The following PHF24 variants were observed in gnomAD, a reference collection of about 807,000 sequenced individuals.
PHF24 encodes the protein PHD finger protein 24.
PHF24 carries 25 observed loss-of-function variants against 42.6 expected under a neutral mutation model. The observed-to-expected ratio is 0.59, with a 90% CI of 0.43 to 0.82. The LOEUF (loss-of-function observed/expected upper bound fraction) is 0.82, where lower values mean the gene tolerates loss of function less well. Among genes scored for constraint, PHF24 ranks in the 40% least tolerant of loss-of-function variants. PHF24 has a pLI of 0.00. For missense variants in PHF24, 470 were observed against 538.1 expected (o/e 0.87, Z 1.25); for synonymous variants, 185 against 204.8 (o/e 0.90, Z 0.83).
At chr9:34,687,630 G>T in the PHF24 span, among the ~76,000 whole-genome samples, 4 of 152,182 alleles carry the variant, frequency 2.6e-5, no homozygotes, top group Non-Finnish European at 4.4e-5. Flanking sequence ...CTTCTTCAAG[G>T]TTCCCACTCT....
intron 6 of PHF24, 138 bp from the exon 7 acceptor site, chr9:34,977,408 C>A: frequency 8.4e-7 from 1 of 1,188,094 alleles, no homozygotes; most frequent in Non-Finnish European, 1.2e-6. Context: ...CATAGGACAG[C>A]CTCTGCCTTC....
Position 34,977,069 on chromosome 9 carries a change from C to A in PHF24, c.850-14C>A. ...GATATCTTCACCTCTAAGATCTTGT[C>A]TCTTCTTCCCCAGAACTCTCTGTTG... On this transcript the variant is annotated splice_polypyrimidine_tract_variant and intron_variant, in intron 5 of 7. Coordinates refer to ENST00000242315, the Ensembl canonical transcript of PHF24. 6.4e-7 allele frequency: 1 copy of A among 1,574,224 alleles called. No homozygotes were observed. Among genetic ancestry groups the A allele is most frequent in the Non-Finnish European group, 8.6e-7 (1 of 1,159,254 alleles).
chr9:34,681,385 A>G, the PHF24 span: 1 of 152,236 alleles, frequency 6.6e-6, no homozygotes, highest in East Asian at 1.9e-4. Context: ...GGGGGAAAAC[A>G]TGTCACCCCA....
chr9:34,805,659 C>G, the PHF24 span, among the ~76,000 whole-genome samples: 1 of 152,122 alleles, frequency 6.6e-6, no homozygotes, highest in African/African-American at 2.4e-5. Flanking sequence ...TTTTGAGTTG[C>G]CTTTTCACTC....
At chr9:34,835,381 C>T in the PHF24 span, 38 of 1,550,460 alleles carry the variant, frequency 2.5e-5, no homozygotes, top group Non-Finnish European at 3.3e-5. Flanking sequence ...GGAGCCCCCA[C>T]CTCTGGAAAT....
the PHF24 span, among the ~76,000 whole-genome samples, chr9:34,904,327 C>T: frequency 6.6e-6 from 1 of 152,110 alleles, no homozygotes; most frequent in African/African-American, 2.4e-5. Context: ...TACTTTCAAC[C>T]TTTCCCCATT....
At chr9:34,761,833 C>T in the PHF24 span, among the ~76,000 whole-genome samples, 1 of 152,128 alleles carries the variant, frequency 6.6e-6, no homozygotes, top group Non-Finnish European at 1.5e-5. Context: ...TCTCCTAATG[C>T]TATCCCTCCC....
the PHF24 span, among the ~76,000 whole-genome samples, chr9:34,911,454 C>A: frequency 6.6e-6 from 1 of 151,988 alleles, no homozygotes; most frequent in African/African-American, 2.4e-5. Context: ...AGGGTTTCAC[C>A]ATCTTGGCCG....
At chr9:34,884,950 G>A in the PHF24 span, among the ~76,000 whole-genome samples, 2 of 152,280 alleles carry the variant, frequency 1.3e-5, no homozygotes, top group East Asian at 1.9e-4. Context: ...GGAGCCTGTG[G>A]GGGACCAGGG....
the PHF24 span, among the ~76,000 whole-genome samples, chr9:34,697,373 G>C: frequency 1.3e-5 from 2 of 152,124 alleles, no homozygotes; most frequent in Admixed American, 1.3e-4. Context: ...AGGCTGGAGT[G>C]CAATGGCACG....
chr9:34,923,208 A>G, the PHF24 span, among the ~76,000 whole-genome samples: 1 of 152,140 alleles, frequency 6.6e-6, no homozygotes. Context: ...CATCCCTAGG[A>G]TGAATCCCAC....
At chr9:34,886,956 A>C in the PHF24 span, among the ~76,000 whole-genome samples, 1 of 152,142 alleles carries the variant, frequency 6.6e-6, no homozygotes, top group Non-Finnish European at 1.5e-5. Context: ...TCTAAGCAAC[A>C]TATACATCTC....
At chr9:34,718,845 C>T in the PHF24 span, among the ~76,000 whole-genome samples, 3 of 152,164 alleles carry the variant, frequency 2.0e-5, no homozygotes, top group Admixed American at 6.5e-5. Context: ...TGCTGGTGGT[C>T]GGTTTCCTGA....
At chr9:34,726,210 T>G in the PHF24 span, 1 of 1,342,174 alleles carries the variant, frequency 7.5e-7, no homozygotes, top group Non-Finnish European at 1.0e-6. Flanking sequence ...ACCTGAGGAG[T>G]ATTCTTCAGG....
chr9:34,767,295 C>T, the PHF24 span, among the ~76,000 whole-genome samples: 8 of 152,254 alleles, frequency 5.3e-5, no homozygotes, highest in South Asian at 2.1e-4. Flanking sequence ...TGTCCGTGCC[C>T]TTCCCCCAGA....
At chr9:34,882,593 T>G in the PHF24 span, among the ~76,000 whole-genome samples, 2 of 149,528 alleles carry the variant, frequency 1.3e-5, no homozygotes, top group South Asian at 4.1e-4. Flanking sequence ...AGCCAAATCA[T>G]GAGTGAACTC....
the PHF24 span, among the ~76,000 whole-genome samples, chr9:34,883,073 A>G: frequency 6.6e-6 from 1 of 152,238 alleles, no homozygotes; most frequent in Non-Finnish European, 1.5e-5. Context: ...ATCTACAACT[A>G]TCTGATCTTT....
At chr9:34,960,028 G>A (rs2132850420) in intron 1 of PHF24, among the ~76,000 whole-genome samples, 1 of 152,324 alleles carries the variant, frequency 6.6e-6, no homozygotes, top group Non-Finnish European at 1.5e-5. Context: ...AGGCTCACTG[G>A]GAGTCTGTTA....
the PHF24 span, among the ~76,000 whole-genome samples, chr9:34,829,487 A>G: frequency 6.6e-6 from 1 of 152,172 alleles, no homozygotes; most frequent in Non-Finnish European, 1.5e-5. Context: ...TAAGTATTCC[A>G]ATATTTTAAT....
Sources: gnomAD v4.1 joint callset for allele counts (sites outside exome capture counted in the v4.1 genomes callset) on GRCh38, gnomAD v4.1.1 for gene constraint, MANE v1.5 for transcripts, NCBI Gene and HGNC (gene_info 2026-07-23, HGNC 2026-07-21) for gene names.